The following ERCC6L2 variants were observed in gnomAD, a reference collection of about 807,000 sequenced individuals.
The protein encoded by ERCC6L2 is DNA excision repair protein ERCC-6-like 2.
ERCC6L2 carries 77 observed loss-of-function variants against 132.0 expected under a neutral mutation model. The observed-to-expected ratio is 0.58, with a 90% CI of 0.49 to 0.71. The LOEUF (loss-of-function observed/expected upper bound fraction) is 0.71, where lower values mean the gene tolerates loss of function less well. ERCC6L2 is among the 30% of genes least tolerant of loss of function. The probability of loss-of-function intolerance (pLI) is 0.00; values close to 1 mark genes in which losing one functional copy is unlikely to be tolerated. For synonymous variants in ERCC6L2, 583 were observed against 632.4 expected (o/e 0.92, Z 1.17); for missense variants, 1,542 against 1,837.6 (o/e 0.84, Z 2.94).
chr9:95,981,856 G>T (rs1312620322), intron 17 of ERCC6L2, among the ~76,000 whole-genome samples: 1 of 152,118 alleles, frequency 6.6e-6, no homozygotes, highest in Non-Finnish European at 1.5e-5. Context: ...CTTCAATTAA[G>T]GATTAATCAC....
At chr9:95,918,368 T>C (rs529530783) in intron 6 of ERCC6L2, 78 of 360,212 alleles carry the variant, frequency 2.2e-4, no homozygotes, top group African/African-American at 1.6e-3. Flanking sequence ...GTAATCTGGG[T>C]GCACAGATTT....
chr9:96,034,350 A>G (rs1167152712), intron 19 of ERCC6L2, among the ~76,000 whole-genome samples: 2 of 152,224 alleles, frequency 1.3e-5, no homozygotes, highest in African/African-American at 4.8e-5. Flanking sequence ...AACGCATTGC[A>G]AGTGGCTGGA....
At chr9:95,935,995 G>A (rs1830535270) in intron 11 of ERCC6L2, among the ~76,000 whole-genome samples, 1 of 152,084 alleles carries the variant, frequency 6.6e-6, no homozygotes, top group African/African-American at 2.4e-5. Flanking sequence ...AATGGGCATG[G>A]GTGTAAGGTC....
At chr9:95,904,993 C>A (rs909812992) in intron 3 of ERCC6L2, 15 of 152,006 alleles carry the variant, frequency 9.9e-5, no homozygotes, top group African/African-American at 3.6e-4. Flanking sequence ...AGAATTATCA[C>A]CCTTCCCCCA....
At chr9:95,964,470 A>AT (rs1022767561) in intron 13 of ERCC6L2, among the ~76,000 whole-genome samples, 5 of 152,046 alleles carry the variant, frequency 3.3e-5, no homozygotes, top group African/African-American at 1.2e-4. Flanking sequence ...ATCACAAGGG[A>AT]TTTTTTATAA....
At chr9:95,974,077 A>G (rs1426464121) in intron 16 of ERCC6L2, among the ~76,000 whole-genome samples, 1 of 152,180 alleles carries the variant, frequency 6.6e-6, no homozygotes, top group Non-Finnish European at 1.5e-5. Context: ...AGTAGGCACA[A>G]AATGTTTATT....
At chr9:96,027,717 T>G (rs1319547529) in intron 19 of ERCC6L2, 1 of 152,150 alleles carries the variant, frequency 6.6e-6, no homozygotes, top group Admixed American at 6.5e-5. Context: ...TTCCCTAGCT[T>G]CCCTCCAAGG....
intron 3 of ERCC6L2, among the ~76,000 whole-genome samples, chr9:95,898,601 G>A (rs532712808): frequency 6.6e-6 from 1 of 151,840 alleles, no homozygotes; most frequent in African/African-American, 2.4e-5. Context: ...TTCTAATAAA[G>A]CAATGAAATA....
intron 17 of ERCC6L2, among the ~76,000 whole-genome samples, chr9:95,984,785 G>A (rs1019995466): frequency 6.6e-6 from 1 of 151,904 alleles, no homozygotes; most frequent in South Asian, 2.1e-4. Flanking sequence ...TTTTTGTCAG[G>A]GTACAATGAA....
intron 1 of ERCC6L2, among the ~76,000 whole-genome samples, chr9:95,878,344 G>T (rs546719069): frequency 3.3e-5 from 5 of 152,322 alleles, no homozygotes; most frequent in African/African-American, 1.2e-4. Context: ...AGAGATAGTG[G>T]CATGGAGGAA....
chr9:95,919,013 C>T lies in ERCC6L2; in HGVS notation c.1159-2162C>T, dbSNP rs185990639. ...TCTCCCAAGTAGCTGGGACTACAGGCGCACGCCACCATGCCCGGTTAATTT... is the reference window on the plus strand; with the variant it reads ...TCTCCCAAGTAGCTGGGACTACAGGTGCACGCCACCATGCCCGGTTAATTT... On this transcript the variant is annotated intron_variant, in intron 6 of 18. Transcript: ENST00000653738. Among the ~76,000 whole-genome samples the T allele has an allele frequency of 3.8e-3, 579 of 152,144 alleles. 3 individuals carry two copies. The highest frequency in any genetic ancestry group is 0.013 in the African/African-American group (546 of 41,496).
In ERCC6L2 at chr9:96,029,803, T is replaced by C. The variant is rs76395358; in HGVS notation, c.*1504-9073T>C. Among the ~76,000 whole-genome samples, 1,087 of 152,346 alleles carry C rather than the reference T, an allele frequency of 7.1e-3. 12 individuals carry two copies. Among genetic ancestry groups the C allele is most frequent in the African/African-American group, 0.025 (1,047 of 41,574 alleles). ...TGTTTGTTTGTTTGTTTTCTACTGA[T>C]TTTATGCTGCTTCATCCTTGGGGCC... On this transcript the variant is annotated intron_variant and NMD_transcript_variant, in intron 19 of 20. Coordinates refer to the ERCC6L2 transcript ENST00000670016.
rs7047528 is a variant in ERCC6L2, at chr9:95,896,991, C to A, written c.472-858C>A. The stretch of plus-strand genomic sequence containing the variant: ...GGGATTCAGATTATAGGTATCCACA[C>A]CCTTGTTAAGTATACTTTTTTCTAT... On this transcript the variant is annotated intron_variant, in intron 2 of 18. Transcript: ENST00000653738. Among the ~76,000 whole-genome samples the A allele has an allele frequency of 2.0e-5, 3 of 152,126 alleles. No individual in the cohort carries two copies. In the East Asian group the frequency reaches 5.8e-4, roughly 29 times the overall value.
Position 95,906,404 on chromosome 9 carries a change from T to C in ERCC6L2, c.595-674T>C, listed in dbSNP as rs1462318187. ...GGGGCAGTTTCTGCAGCATTGACTT[T>C]AGGTTGGCAAGAAGGAATGGGAGCC... On this transcript the variant is annotated intron_variant, in intron 3 of 18. Coordinates refer to ENST00000653738, the MANE Select transcript of ERCC6L2 (RefSeq NM_020207.7). Among the ~76,000 whole-genome samples the C allele has an allele frequency of 3.9e-5, 6 of 152,146 alleles. No homozygotes were observed. In the East Asian group the frequency reaches 1.2e-3, roughly 29 times the overall value.
intron 3 of ERCC6L2, chr9:95,906,813 T>G: frequency 2.0e-6 from 1 of 505,412 alleles, no homozygotes. Context: ...CTCAGTGCCT[T>G]TTTGGTAGGG....
intron 11 of ERCC6L2, among the ~76,000 whole-genome samples, chr9:95,939,990 C>A (rs912489872): frequency 2.6e-5 from 4 of 152,158 alleles, no homozygotes; most frequent in African/African-American, 4.8e-5. Context: ...CGTCTTTGGC[C>A]TCTGCTGATA....
At chr9:95,946,310 C>T (rs977635900) in intron 12 of ERCC6L2, among the ~76,000 whole-genome samples, 4 of 152,092 alleles carry the variant, frequency 2.6e-5, no homozygotes, top group African/African-American at 7.2e-5. Flanking sequence ...GGGCGGATCA[C>T]GAGGTCAGGT....
At chr9:95,899,600 A>ATGTGTGTGTGTGTGTGTG (rs56991965) in intron 3 of ERCC6L2, among the ~76,000 whole-genome samples, 4 of 134,818 alleles carry the variant, frequency 3.0e-5, no homozygotes, top group African/African-American at 1.2e-4. Context: ...TTATATATAT[A>ATGTGTGTGTGTGTGTGTG]TGTGTGTGTG....
intron 4 of ERCC6L2, among the ~76,000 whole-genome samples, chr9:95,914,702 A>G (rs1283326624): frequency 6.6e-6 from 1 of 152,210 alleles, no homozygotes; most frequent in Admixed American, 6.5e-5. Flanking sequence ...GTATCAGATT[A>G]TGATTTGCAA....
Sources: gnomAD v4.1 joint callset for allele counts (sites outside exome capture counted in the v4.1 genomes callset) on GRCh38, gnomAD v4.1.1 for gene constraint, MANE v1.5 for transcripts, NCBI Gene and HGNC (gene_info 2026-07-23, HGNC 2026-07-21) for gene names.